TTLL5: variants seen among roughly 807,000 people sequenced by gnomAD.
TTLL5 encodes tubulin tyrosine ligase like 5.
Under a neutral mutation model 168.4 loss-of-function variants are expected in TTLL5, and 132 were observed. That is an observed-to-expected ratio of 0.78 (90% CI 0.68 to 0.91). The LOEUF is 0.91. TTLL5 is among the 40% of genes least tolerant of loss of function. The pLI, the probability that TTLL5 is intolerant of heterozygous loss-of-function variation, is 0.00. For synonymous variants in TTLL5, 546 were observed against 558.6 expected (o/e 0.98, Z 0.32); for missense variants, 1,545 against 1,581.5 (o/e 0.98, Z 0.39).
intron 31 of TTLL5, among the ~76,000 whole-genome samples, chr14:75,925,287 A>G (rs1294227023): frequency 6.7e-6 from 1 of 150,346 alleles, no homozygotes; most frequent in African/African-American, 2.5e-5. Context: ...GGGGCTCCTC[A>G]CTTCTCAGAC....
chr14:75,769,090 A>G, intron 20 of TTLL5, among the ~76,000 whole-genome samples: 1 of 152,210 alleles, frequency 6.6e-6, no homozygotes, highest in East Asian at 1.9e-4. Flanking sequence ...ACTGTATTCT[A>G]AGGTCCTTTC....
At chr14:75,819,614 T>C (rs1894713099) in intron 27 of TTLL5, among the ~76,000 whole-genome samples, 1 of 152,234 alleles carries the variant, frequency 6.6e-6, no homozygotes. Context: ...ATAATGTTAT[T>C]TATAACTAAA....
At chr14:75,756,689 A>G (rs536059447) in intron 18 of TTLL5, among the ~76,000 whole-genome samples, 166 of 151,884 alleles carry the variant, frequency 1.1e-3, no homozygotes, top group Non-Finnish European at 1.9e-3. Flanking sequence ...TGTATTTTGT[A>G]GTAGAGATGG....
chr14:75,685,591 A>C (rs1884985353), intron 5 of TTLL5, among the ~76,000 whole-genome samples: 1 of 152,178 alleles, frequency 6.6e-6, no homozygotes. Flanking sequence ...AGGAGAGTGC[A>C]TTCTTTTTCT....
intron 27 of TTLL5, among the ~76,000 whole-genome samples, chr14:75,802,654 G>A (rs1449810804): frequency 6.6e-6 from 1 of 152,134 alleles, no homozygotes; most frequent in African/African-American, 2.4e-5. Context: ...CCAGGCTTTG[G>A]TACTAAGCCA....
intron 16 of TTLL5, 111 bp from the exon 17 acceptor site, chr14:75,745,379 C>T (rs949790010): frequency 4.8e-6 from 6 of 1,240,570 alleles, no homozygotes; most frequent in Non-Finnish European, 6.9e-6. Context: ...ATTAATTTCT[C>T]CCTTCATGCT....
intron 9 of TTLL5, among the ~76,000 whole-genome samples, chr14:75,713,665 A>C (rs1334202343): frequency 6.6e-6 from 1 of 152,216 alleles, no homozygotes; most frequent in African/African-American, 2.4e-5. Context: ...AAATGCTCAC[A>C]AGTACATTCA....
At chr14:75,671,700 G>A (rs1273988396) in intron 3 of TTLL5, among the ~76,000 whole-genome samples, 1 of 152,120 alleles carries the variant, frequency 6.6e-6, no homozygotes, top group East Asian at 1.9e-4. Flanking sequence ...CACTGCTAGT[G>A]TATAGAAATA....
intron 12 of TTLL5, 25 bp downstream of exon 12, chr14:75,720,728 A>T (rs2140205061): frequency 6.3e-7 from 1 of 1,589,470 alleles, no homozygotes; most frequent in Non-Finnish European, 8.6e-7. Context: ...GAAGCTTAAC[A>T]TGTTTTGTGA....
At chr14:75,663,870 G>A (rs1183275877) in intron 2 of TTLL5, among the ~76,000 whole-genome samples, 1 of 152,122 alleles carries the variant, frequency 6.6e-6, no homozygotes, top group Admixed American at 6.5e-5. Flanking sequence ...GATCACCTGA[G>A]GTCAGGAGTT....
At chr14:75,723,700 G>A (rs1304065294) in intron 12 of TTLL5, among the ~76,000 whole-genome samples, 1 of 152,134 alleles carries the variant, frequency 6.6e-6, no homozygotes, top group Non-Finnish European at 1.5e-5. Flanking sequence ...TTCCGACGTG[G>A]AAGAAGCTGT....
chr14:75,939,864 C>T (rs1296331336), intron 31 of TTLL5, among the ~76,000 whole-genome samples: 2 of 152,094 alleles, frequency 1.3e-5, no homozygotes. Flanking sequence ...AAAATCCACC[C>T]CCACCATCAA....
chr14:75,897,358 G>A (rs1357061639), intron 30 of TTLL5, among the ~76,000 whole-genome samples: 1 of 152,162 alleles, frequency 6.6e-6, no homozygotes, highest in Non-Finnish European at 1.5e-5. Context: ...TGAGTTCTTC[G>A]AATTCTTTGT....
At chr14:75,723,744 TCC>T (rs989688075) in intron 12 of TTLL5, among the ~76,000 whole-genome samples, 1 of 152,160 alleles carries the variant, frequency 6.6e-6, no homozygotes, top group African/African-American at 2.4e-5. Flanking sequence ...ACCCCTTAAG[TCC>T]ATTTCATCAG....
intron 29 of TTLL5, among the ~76,000 whole-genome samples, chr14:75,871,847 G>C (rs888283214): frequency 1.3e-5 from 2 of 152,208 alleles, no homozygotes. Flanking sequence ...AACCATGTGA[G>C]ATCCTGGGCC....
intron 11 of TTLL5, among the ~76,000 whole-genome samples, chr14:75,720,070 C>T (rs1887745090): frequency 6.6e-6 from 1 of 152,118 alleles, no homozygotes; most frequent in Non-Finnish European, 1.5e-5. Context: ...TGAATTTACC[C>T]TTCTTGAATG....
At chr14:75,723,729 GAA>G (rs1887994288) in intron 12 of TTLL5, among the ~76,000 whole-genome samples, 2 of 152,154 alleles carry the variant, frequency 1.3e-5, no homozygotes, top group South Asian at 4.1e-4. Context: ...CTGACTCAGT[GAA>G]ATACCCCTTA....
intron 24 of TTLL5, among the ~76,000 whole-genome samples, 166 bp from the exon 25 acceptor site, chr14:75,782,321 C>T (rs1414610992): frequency 6.6e-6 from 1 of 152,116 alleles, no homozygotes; most frequent in Non-Finnish European, 1.5e-5. Context: ...TTGCCTACTC[C>T]TTAGGGCTGT....
At chr14:75,793,958 A>G (rs1892859124) in intron 27 of TTLL5, among the ~76,000 whole-genome samples, 1 of 152,212 alleles carries the variant, frequency 6.6e-6, no homozygotes. Context: ...CAAGTCTCGA[A>G]AAAAGTGAAG....
Sources: gnomAD v4.1 joint callset for allele counts (sites outside exome capture counted in the v4.1 genomes callset) on GRCh38, gnomAD v4.1.1 for gene constraint, MANE v1.5 for transcripts, NCBI Gene and HGNC (gene_info 2026-07-23, HGNC 2026-07-21) for gene names.